The following WWOX variants were observed in gnomAD, a reference collection of about 807,000 sequenced individuals.
WWOX encodes WW domain containing oxidoreductase, also known as WW domain-containing oxidoreductase.
WWOX carries 69 observed loss-of-function variants against 46.2 expected under a neutral mutation model. The observed-to-expected ratio is 1.49, with a 90% CI of 1.23 to 1.82. The LOEUF (loss-of-function observed/expected upper bound fraction) is 1.82. WWOX is among the 40% of genes most tolerant of loss of function. The pLI, the probability that WWOX is intolerant of heterozygous loss-of-function variation, is 0.00. For synonymous variants in WWOX, 359 were observed against 202.6 expected (o/e 1.77, Z -6.56); for missense variants, 919 against 542.6 (o/e 1.69, Z -6.89).
intron 5 of WWOX, among the ~76,000 whole-genome samples, chr16:78,319,673 T>C (rs951382463): frequency 1.1e-4 from 17 of 152,136 alleles, no homozygotes; most frequent in African/African-American, 4.1e-4. Flanking sequence ...AATGGAAAAA[T>C]AAACGTTCTA....
At chr16:78,515,947 G>A (rs926534517) in intron 8 of WWOX, among the ~76,000 whole-genome samples, 1 of 152,074 alleles carries the variant, frequency 6.6e-6, no homozygotes, top group African/African-American at 2.4e-5. Context: ...TTGTCTCTCA[G>A]TCAATCAGTC....
At chr16:78,485,428 C>T (rs1375492152) in intron 8 of WWOX, among the ~76,000 whole-genome samples, 1 of 152,170 alleles carries the variant, frequency 6.6e-6, no homozygotes, top group African/African-American at 2.4e-5. Flanking sequence ...CTCTTTCCCC[C>T]TCAACTTCCA....
At chr16:78,914,338 C>T (rs925088167) in intron 8 of WWOX, among the ~76,000 whole-genome samples, 23 of 152,046 alleles carry the variant, frequency 1.5e-4, no homozygotes, top group African/African-American at 5.3e-4. Context: ...ATGTCTTCAG[C>T]ACTTAGAACA....
At chr16:78,825,636 G>C in intron 8 of WWOX, 1 of 515,336 alleles carries the variant, frequency 1.9e-6, no homozygotes, top group Non-Finnish European at 3.8e-6. Context: ...GGCCTGCGAT[G>C]GTGGGCTGTG....
At chr16:78,796,109 T>C (rs2050729795) in intron 8 of WWOX, among the ~76,000 whole-genome samples, 1 of 152,254 alleles carries the variant, frequency 6.6e-6, no homozygotes. Context: ...TCTACCTAGC[T>C]ATCACATTTA....
intron 8 of WWOX, among the ~76,000 whole-genome samples, chr16:78,792,616 C>T (rs565009715): frequency 2.0e-5 from 3 of 152,126 alleles, no homozygotes; most frequent in Admixed American, 6.5e-5. Flanking sequence ...ATTGCTCTGT[C>T]GCCCAAACAG....
At chr16:78,355,807 G>T in intron 5 of WWOX, 3 of 723,318 alleles carry the variant, frequency 4.1e-6, no homozygotes, top group South Asian at 4.0e-5. Flanking sequence ...GCATTTTCCT[G>T]GTTGCCCCTC....
intron 8 of WWOX, among the ~76,000 whole-genome samples, chr16:78,674,949 C>G (rs543285343): frequency 6.6e-6 from 1 of 151,840 alleles, no homozygotes; most frequent in East Asian, 1.9e-4. Context: ...AGTTGTCTAC[C>G]CTTATTATCC....
At chr16:79,101,760 G>C (rs1031935056) in intron 8 of WWOX, 2 of 145,322 alleles carry the variant, frequency 1.4e-5, no homozygotes, top group African/African-American at 5.4e-5. Context: ...AAAAAAAAAA[G>C]GACTAATACT....
intron 8 of WWOX, among the ~76,000 whole-genome samples, chr16:79,148,591 C>G (rs982292611): frequency 2.0e-5 from 3 of 152,140 alleles, no homozygotes; most frequent in Non-Finnish European, 4.4e-5. Context: ...TTGTCTATGT[C>G]TACCAGAAGC....
chr16:78,821,110 A>G (rs1314067863), intron 8 of WWOX, among the ~76,000 whole-genome samples: 2 of 152,136 alleles, frequency 1.3e-5, no homozygotes, highest in African/African-American at 4.8e-5. Flanking sequence ...GACACTATTG[A>G]ACCCACTGCA....
At chr16:79,190,118 A>G (rs1379264271) in intron 8 of WWOX, among the ~76,000 whole-genome samples, 1 of 152,024 alleles carries the variant, frequency 6.6e-6, no homozygotes, top group Non-Finnish European at 1.5e-5. Context: ...TCAGTCTCCC[A>G]GGTTAAAGCA....
intron 8 of WWOX, among the ~76,000 whole-genome samples, chr16:79,006,005 C>T (rs975633659): frequency 6.6e-6 from 1 of 152,162 alleles, no homozygotes; most frequent in Non-Finnish European, 1.5e-5. Context: ...CTCTCTGCAA[C>T]CATTTGCGGT....
At chr16:78,541,836 C>G (rs1362652338) in intron 8 of WWOX, among the ~76,000 whole-genome samples, 1 of 151,924 alleles carries the variant, frequency 6.6e-6, no homozygotes, top group Non-Finnish European at 1.5e-5. Context: ...TTTACTGTTT[C>G]TGGTTTTCTG....
At chr16:79,141,732 C>G (rs2050093000) in intron 8 of WWOX, among the ~76,000 whole-genome samples, 1 of 151,856 alleles carries the variant, frequency 6.6e-6, no homozygotes, top group South Asian at 2.1e-4. Flanking sequence ...GCCCGTCTAG[C>G]ACGGAGGGCC....
chr16:78,241,394 G>A (rs2151819515), intron 5 of WWOX, among the ~76,000 whole-genome samples: 1 of 152,088 alleles, frequency 6.6e-6, no homozygotes, highest in African/African-American at 2.4e-5. Context: ...TGATGGTGAT[G>A]ATGATTGTGG....
intron 8 of WWOX, among the ~76,000 whole-genome samples, chr16:79,011,389 C>T (rs188188753): frequency 5.9e-5 from 9 of 151,776 alleles, no homozygotes; most frequent in Admixed American, 1.3e-4. Flanking sequence ...TGTTGGTGTT[C>T]GATCTGGAAT....
intron 8 of WWOX, among the ~76,000 whole-genome samples, chr16:78,869,003 C>G (rs954699766): frequency 2.6e-5 from 4 of 152,076 alleles, no homozygotes; most frequent in African/African-American, 9.7e-5. Flanking sequence ...TGTAAAAAGT[C>G]ACAAAGGCCA....
chr16:78,719,971 A>G (rs1041192702), intron 8 of WWOX, among the ~76,000 whole-genome samples: 1 of 152,188 alleles, frequency 6.6e-6, no homozygotes, highest in African/African-American at 2.4e-5. Flanking sequence ...GTCTCAATTC[A>G]ATTTAAAGTG....
Sources: gnomAD v4.1 joint callset for allele counts (sites outside exome capture counted in the v4.1 genomes callset) on GRCh38, gnomAD v4.1.1 for gene constraint, MANE v1.5 for transcripts, NCBI Gene and HGNC (gene_info 2026-07-23, HGNC 2026-07-21) for gene names.